Variants in EIF4H observed in about 807,000 individuals in gnomAD.
The protein encoded by EIF4H is Williams-Beuren syndrome chromosome region 1.
A neutral mutation model predicts 30.6 loss-of-function variants in EIF4H; 8 were observed. The ratio of observed to expected loss-of-function variants is 0.26; its 90% CI spans 0.15 to 0.47. EIF4H has a LOEUF of 0.47. EIF4H is among the 20% of genes least tolerant of loss of function. EIF4H has a pLI of 0.99. For synonymous variants in EIF4H, 106 were observed against 122.7 expected, an observed-to-expected ratio of 0.86 and a Z score of 0.90; for missense variants, 188 against 339.5, an observed-to-expected ratio of 0.55 and a Z score of 3.51.
At chr7:74,193,695 C>T (rs1017740561) in intron 5 of EIF4H, among the ~76,000 whole-genome samples, 20 of 152,026 alleles carry the variant, frequency 1.3e-4, no homozygotes, top group Non-Finnish European at 7.4e-5. Context: ...TCACTGCACC[C>T]TCTACCTTCC....
chr7:74,178,811 C>G (rs571330968), intron 1 of EIF4H, among the ~76,000 whole-genome samples: 119 of 152,300 alleles, frequency 7.8e-4, no homozygotes, highest in African/African-American at 2.7e-3. Context: ...GTATGTACGT[C>G]TAAGACTTCT....
At chr7:74,190,095 G>T (rs373674262) in intron 4 of EIF4H, 152 bp from the exon 5 acceptor site, 4 of 1,122,156 alleles carry the variant, frequency 3.6e-6, no homozygotes, top group Non-Finnish European at 5.0e-6. Context: ...CAAGCCTGGC[G>T]TTTTTTGTTT....
At chr7:74,190,357 C>G in intron 5 of EIF4H, 51 bp downstream of exon 5, 2 of 1,569,214 alleles carry the variant, frequency 1.3e-6, no homozygotes, top group Admixed American at 3.3e-5. Flanking sequence ...AGCCTTGCTG[C>G]TGTTCTCTGT....
chr7:74,190,071 G>A, intron 4 of EIF4H, 153 bp downstream of exon 4: 3 of 1,128,738 alleles, frequency 2.7e-6, no homozygotes, highest in Non-Finnish European at 3.7e-6. Context: ...TAGAAAGAAT[G>A]GCTGATGCTT....
At chr7:74,194,388 A>G (rs189663823) in intron 5 of EIF4H, among the ~76,000 whole-genome samples, 11 of 152,242 alleles carry the variant, frequency 7.2e-5, no homozygotes, top group African/African-American at 2.2e-4. Flanking sequence ...CTATTAGAAA[A>G]TAGAGTTCAA....
At chr7:74,177,415 T>C (rs1426942666) in intron 1 of EIF4H, among the ~76,000 whole-genome samples, 1 of 152,230 alleles carries the variant, frequency 6.6e-6, no homozygotes, top group African/African-American at 2.4e-5. Context: ...AGTGTATTCG[T>C]AATGTATAAC....
intron 5 of EIF4H, among the ~76,000 whole-genome samples, chr7:74,192,794 C>T (rs1801254187): frequency 6.6e-6 from 1 of 151,164 alleles, no homozygotes; most frequent in Admixed American, 6.6e-5. Context: ...TCTCCTGCCT[C>T]AGCCTCCCAA....
Position 74,195,464 on chromosome 7 carries a change from A to G in EIF4H, c.*156A>G. On this transcript the variant is annotated 3_prime_UTR_variant, in exon 7 of 7. Transcript: ENST00000265753. ...TGTGAGTGCATGTCAGCTGTTAACA[A>G]GTGGTTTTTAGTACATTCTGGGCTT... is the stretch of plus-strand genomic sequence containing the variant. The G allele has an allele frequency of 1.3e-6, 1 of 794,736 alleles. No individual in the cohort carries two copies. Among genetic ancestry groups the G allele is most frequent in the Non-Finnish European group, 2.0e-6 (1 of 509,324 alleles). The allele number at this position is 794,736 out of a possible 1,614,324, so 49.2% of individuals were successfully genotyped here. A position where few individuals can be genotyped will look rare whatever the true frequency, so the allele number is the denominator to read the frequency against.
At chr7:74,194,913 C>A in intron 6 of EIF4H, 35 bp downstream of exon 6, 7 of 1,566,724 alleles carry the variant, frequency 4.5e-6, no homozygotes, top group Non-Finnish European at 5.2e-6. Context: ...GGCATCTTGT[C>A]CTGATGGGAT....
At chr7:74,184,611 T>G (rs1303073851) in intron 1 of EIF4H, among the ~76,000 whole-genome samples, 1 of 141,478 alleles carries the variant, frequency 7.1e-6, no homozygotes, top group African/African-American at 2.6e-5. Flanking sequence ...TGACCCTCCA[T>G]TTTTATGGTT....
chr7:74,174,632 C>G (rs1800794370), intron 1 of EIF4H, among the ~76,000 whole-genome samples, 190 bp downstream of exon 1: 1 of 152,114 alleles, frequency 6.6e-6, no homozygotes, highest in Non-Finnish European at 1.5e-5. Flanking sequence ...CGGCTGGGCT[C>G]CCGGGGTCTT....
chr7:74,181,208 T>C (rs1421903794), intron 1 of EIF4H, among the ~76,000 whole-genome samples: 1 of 152,208 alleles, frequency 6.6e-6, no homozygotes. Context: ...TGGCTATTTC[T>C]GTTACATCTA....
At chr7:74,180,927 CAG>C (rs1800945722) in intron 1 of EIF4H, among the ~76,000 whole-genome samples, 1 of 152,188 alleles carries the variant, frequency 6.6e-6, no homozygotes, top group East Asian at 1.9e-4. Context: ...TTAATAGAGA[CAG>C]GGTCTCCCTT....
intron 1 of EIF4H, among the ~76,000 whole-genome samples, chr7:74,178,248 T>C (rs186697725): frequency 9.9e-4 from 151 of 152,274 alleles, no homozygotes; most frequent in Middle Eastern, 3.4e-3. Context: ...TTTATGTTTC[T>C]ATTAGAAATT....
rs1801324932 is a variant in EIF4H, at chr7:74,195,484, G to A, written c.*176G>A. ...TAACAAGTGGTTTTTAGTACATTCT[G>A]GGCTTTGCTGTATCTATCTAGTGCC... is the stretch of plus-strand genomic sequence containing the variant. On this transcript the variant is annotated 3_prime_UTR_variant, in exon 7 of 7. Transcript: ENST00000265753. 7 of 663,858 alleles carry A rather than the reference G, an allele frequency of 1.1e-5. No individual in the cohort carries two copies. In the South Asian group the frequency reaches 1.6e-4, roughly 15 times the overall value. The allele number at this position is 663,858 out of a possible 1,614,324, so 41.1% of individuals were successfully genotyped here.
intron 5 of EIF4H, among the ~76,000 whole-genome samples, chr7:74,192,700 C>G (rs1584187587): frequency 9.3e-6 from 1 of 107,720 alleles, no homozygotes; most frequent in Non-Finnish European, 1.7e-5. Context: ...TTTTTTGAGA[C>G]AGAGGCTCAC....
In EIF4H at chr7:74,196,038, T is replaced by TG. The variant is rs1375922460; in HGVS notation, c.*731dup. On this transcript the variant is annotated 3_prime_UTR_variant, in exon 7 of 7. Transcript: ENST00000265753. The stretch of plus-strand genomic sequence containing the variant: ...AGCGGTAGGGAGTCCACGGAGAAGA[T>TG]GCAGTGAATGCTTGCATGCATTCAC... The TG allele has an allele frequency of 6.6e-6, 1 of 152,130 alleles. No homozygotes were observed. Among genetic ancestry groups the TG allele is most frequent in the Admixed American group, 6.6e-5 (1 of 15,260 alleles). The allele number at this position is 152,130 out of a possible 1,614,324, so 9.4% of individuals were successfully genotyped here. A position where few individuals can be genotyped will look rare whatever the true frequency, so the allele number is the denominator to read the frequency against.
intron 1 of EIF4H, among the ~76,000 whole-genome samples, chr7:74,182,774 A>G (rs1800991426): frequency 6.6e-6 from 1 of 152,104 alleles, no homozygotes; most frequent in South Asian, 2.1e-4. Context: ...TACTCTGTAC[A>G]TTGGCTTCTT....
intron 1 of EIF4H, among the ~76,000 whole-genome samples, chr7:74,177,030 C>T (rs1160967686): frequency 6.6e-6 from 1 of 152,148 alleles, no homozygotes; most frequent in African/African-American, 2.4e-5. Context: ...TTGGAGGTGG[C>T]AAGAATTGAG....
Sources: gnomAD v4.1 joint callset for allele counts (sites outside exome capture counted in the v4.1 genomes callset) on GRCh38, gnomAD v4.1.1 for gene constraint, MANE v1.5 for transcripts, NCBI Gene and HGNC (gene_info 2026-07-23, HGNC 2026-07-21) for gene names.